The following DLG2 variants were observed in gnomAD, a reference collection of about 807,000 sequenced individuals.
The protein encoded by DLG2 is discs large MAGUK scaffold protein 2.
A neutral mutation model predicts 132.5 loss-of-function variants in DLG2; 45 were observed. The observed-to-expected ratio is 0.34, with a 90% CI of 0.27 to 0.44. The LOEUF is 0.44. DLG2 is among the 20% of genes least tolerant of loss of function. The pLI, the probability that DLG2 is intolerant of heterozygous loss-of-function variation, is 1.00. For missense variants in DLG2, 1,045 were observed against 1,196.9 expected, an observed-to-expected ratio of 0.87 and a Z score of 1.87; for synonymous variants, 424 against 419.6, an observed-to-expected ratio of 1.01 and a Z score of -0.13.
chr11:85,286,859 T>A (rs1021812609), intron 3 of DLG2, among the ~76,000 whole-genome samples: 4 of 151,982 alleles, frequency 2.6e-5, no homozygotes, highest in African/African-American at 9.7e-5. Context: ...AAGATGAGCA[T>A]GGAACATCTT....
chr11:84,065,781 C>T (rs926876943), intron 10 of DLG2, among the ~76,000 whole-genome samples: 1 of 152,176 alleles, frequency 6.6e-6, no homozygotes, highest in Non-Finnish European at 1.5e-5. Context: ...TTCAACACAG[C>T]ACCATTCACA....
At chr11:85,082,590 C>T (rs952323732) in intron 6 of DLG2, among the ~76,000 whole-genome samples, 9 of 151,920 alleles carry the variant, frequency 5.9e-5, no homozygotes, top group Non-Finnish European at 1.0e-4. Context: ...CATTAGAAGC[C>T]TTCTCTTGAT....
chr11:84,983,702 C>T (rs2056093513), intron 6 of DLG2, among the ~76,000 whole-genome samples: 1 of 152,046 alleles, frequency 6.6e-6, no homozygotes, highest in South Asian at 2.1e-4. Context: ...ATCAGGGAGG[C>T]ACCAGAGAAA....
intron 7 of DLG2, among the ~76,000 whole-genome samples, chr11:84,442,725 A>C: frequency 6.6e-6 from 1 of 151,794 alleles, no homozygotes; most frequent in East Asian, 1.9e-4. Flanking sequence ...AAAGAAAGAA[A>C]GAAAGAAAGA....
chr11:84,338,159 A>G (rs1379111590), intron 7 of DLG2, among the ~76,000 whole-genome samples: 1 of 152,230 alleles, frequency 6.6e-6, no homozygotes, highest in East Asian at 1.9e-4. Flanking sequence ...ACAGGTATCA[A>G]ATCTGTACAG....
intron 3 of DLG2, among the ~76,000 whole-genome samples, chr11:85,508,066 A>C (rs1429516393): frequency 1.3e-5 from 2 of 152,114 alleles, no homozygotes; most frequent in Non-Finnish European, 2.9e-5. Context: ...CAGGTCATTT[A>C]AGGTCTTCTC....
intron 5 of DLG2, among the ~76,000 whole-genome samples, chr11:85,141,914 G>GTGTC (rs1424110642): frequency 6.6e-6 from 1 of 151,754 alleles, no homozygotes; most frequent in Non-Finnish European, 1.5e-5. Flanking sequence ...ATTGATCTAT[G>GTGTC]TGTCTGTTTT....
chr11:84,602,361 A>T (rs2099578128), intron 6 of DLG2, among the ~76,000 whole-genome samples: 1 of 151,926 alleles, frequency 6.6e-6, no homozygotes, highest in African/African-American at 2.4e-5. Flanking sequence ...TGACTTGCCC[A>T]ATTTCATAAA....
intron 18 of DLG2, among the ~76,000 whole-genome samples, chr11:83,778,613 G>A (rs558307580): frequency 6.6e-6 from 1 of 152,200 alleles, no homozygotes; most frequent in South Asian, 2.1e-4. Context: ...CCTTTGATAT[G>A]AGTTAAAGAT....
intron 15 of DLG2, among the ~76,000 whole-genome samples, chr11:83,928,813 A>T (rs1021317756): frequency 6.6e-6 from 1 of 152,196 alleles, no homozygotes; most frequent in Non-Finnish European, 1.5e-5. Context: ...AGAAGTATTT[A>T]ACAAAATGCC....
chr11:84,193,308 C>T (rs1404303240), intron 8 of DLG2, among the ~76,000 whole-genome samples: 1 of 152,142 alleles, frequency 6.6e-6, no homozygotes, highest in Non-Finnish European at 1.5e-5. Flanking sequence ...AGCCACATCA[C>T]CTGGTGTTAG....
At chr11:85,464,207 A>G (rs556247700) in intron 3 of DLG2, among the ~76,000 whole-genome samples, 1 of 152,302 alleles carries the variant, frequency 6.6e-6, no homozygotes, top group African/African-American at 2.4e-5. Context: ...AAAATATTCT[A>G]TGCATTTTGT....
In DLG2 at chr11:85,380,756, T is replaced by C. The variant is rs750308794; in HGVS notation, c.41-95391A>G. Reference sequence around the variant, plus strand: ...CTATGCATCAAATTGGATTTGCACATTGAAGGCCAGTTTATTTCTATAGAG... The same window carrying C: ...CTATGCATCAAATTGGATTTGCACACTGAAGGCCAGTTTATTTCTATAGAG... On this transcript the variant is annotated intron_variant, in intron 3 of 27. Coordinates refer to ENST00000376104, the MANE Select transcript of DLG2 (RefSeq NM_001142699.3). 1.1e-4 allele frequency among the ~76,000 whole-genome samples: 16 copies of C among 152,174 alleles called. 1 individual carries two copies. Among genetic ancestry groups the C allele is most frequent in the Non-Finnish European group, 1.6e-4 (11 of 68,026 alleles).
At chr11:85,114,804 C>G (rs2073313754) in intron 5 of DLG2, among the ~76,000 whole-genome samples, 2 of 151,962 alleles carry the variant, frequency 1.3e-5, no homozygotes, top group African/African-American at 4.8e-5. Flanking sequence ...TCTTCTCAAA[C>G]AACCCCATCC....
chr11:84,897,561 G>C (rs1033127311), intron 6 of DLG2, among the ~76,000 whole-genome samples: 2 of 151,642 alleles, frequency 1.3e-5, no homozygotes, highest in Non-Finnish European at 3.0e-5. Context: ...TTTTTTCCAA[G>C]AACTCACTTA....
At chr11:84,284,663 C>A (rs2097889907) in intron 7 of DLG2, among the ~76,000 whole-genome samples, 1 of 152,180 alleles carries the variant, frequency 6.6e-6, no homozygotes, top group African/African-American at 2.4e-5. Flanking sequence ...CTAGATAGAA[C>A]CGTGAGGCAG....
intron 7 of DLG2, among the ~76,000 whole-genome samples, chr11:84,505,322 G>A (rs1360645575): frequency 1.3e-5 from 2 of 152,200 alleles, no homozygotes; most frequent in East Asian, 3.9e-4. Context: ...ATTGCATCAA[G>A]TACTTACATA....
intron 3 of DLG2, among the ~76,000 whole-genome samples, chr11:85,383,533 C>A (rs1179128312): frequency 6.6e-6 from 1 of 152,050 alleles, no homozygotes; most frequent in Non-Finnish European, 1.5e-5. Flanking sequence ...GCAACATTTG[C>A]CTAAAAGGAG....
intron 5 of DLG2, among the ~76,000 whole-genome samples, chr11:85,126,323 T>C (rs2075106871): frequency 6.6e-6 from 1 of 152,044 alleles, no homozygotes; most frequent in Non-Finnish European, 1.5e-5. Context: ...TTGGTAAGAA[T>C]TTGTGTAACT....
Sources: gnomAD v4.1 joint callset for allele counts (sites outside exome capture counted in the v4.1 genomes callset) on GRCh38, gnomAD v4.1.1 for gene constraint, MANE v1.5 for transcripts, NCBI Gene and HGNC (gene_info 2026-07-23, HGNC 2026-07-21) for gene names.